Variants in GRID2 observed in about 807,000 individuals in gnomAD.
The protein encoded by GRID2 is glutamate ionotropic receptor delta type subunit 2.
A neutral mutation model predicts 114.8 loss-of-function variants in GRID2; 33 were observed. The ratio of observed to expected loss-of-function variants is 0.29; its 90% confidence interval spans 0.22 to 0.38. GRID2 has a LOEUF of 0.38. GRID2 is among the 10% of genes least tolerant of loss of function. The pLI, the probability that GRID2 is intolerant of heterozygous loss-of-function variation, is 1.00. For synonymous variants in GRID2, 505 were observed against 449.9 expected, an observed-to-expected ratio of 1.12 and a Z score of -1.55; for missense variants, 1,184 against 1,257.7, an observed-to-expected ratio of 0.94 and a Z score of 0.89.
At chr4:93,708,049 A>G (rs1728161377) in intron 14 of GRID2, among the ~76,000 whole-genome samples, 1 of 152,022 alleles carries the variant, frequency 6.6e-6, no homozygotes, top group East Asian at 1.9e-4. Flanking sequence ...CCTTGTCAGA[A>G]AAGATACTTG....
chr4:92,325,604 A>G (rs1309998786), intron 1 of GRID2, among the ~76,000 whole-genome samples: 3 of 151,862 alleles, frequency 2.0e-5, no homozygotes, highest in Non-Finnish European at 4.4e-5. Flanking sequence ...AAACTCAAAC[A>G]AAGAGATTTG....
At chr4:93,137,981 T>C (rs1210370036) in intron 4 of GRID2, among the ~76,000 whole-genome samples, 1 of 141,784 alleles carries the variant, frequency 7.1e-6, no homozygotes, top group African/African-American at 2.7e-5. Context: ...TTTTTTTTTT[T>C]TTTTTTTTTG....
At position 93,773,342 on chromosome 4, in the gene GRID2, T is replaced by C. The variant is rs538753064; in HGVS notation, c.*844T>C. The stretch of plus-strand genomic sequence containing the variant: ...AAAAGTATTGTATACAGGAACTATG[T>C]ATAGTGCAGGGGTTCTTTTCAGTTA... On this transcript the variant is annotated 3_prime_UTR_variant, in exon 16 of 16. Coordinates refer to ENST00000282020, the MANE Select transcript of GRID2 (RefSeq NM_001510.4). 6 of 152,256 alleles carry C rather than the reference T, an allele frequency of 3.9e-5. No individual in the cohort carries two copies. The highest frequency in any genetic ancestry group is 5.9e-5 in the Non-Finnish European group (4 of 67,976). The allele number at this position is 152,256 out of a possible 1,614,324, so 9.4% of individuals were successfully genotyped here. A position where few individuals can be genotyped will look rare whatever the true frequency, so the allele number is the denominator to read the frequency against.
intron 8 of GRID2, among the ~76,000 whole-genome samples, chr4:93,310,820 C>G (rs1182526788): frequency 6.6e-6 from 1 of 152,140 alleles, no homozygotes; most frequent in African/African-American, 2.4e-5. Flanking sequence ...CAGACTTTTT[C>G]AGGTGAGCAG....
intron 2 of GRID2, among the ~76,000 whole-genome samples, chr4:92,707,046 G>T (rs561380231): frequency 3.2e-4 from 48 of 152,076 alleles, no homozygotes; most frequent in African/African-American, 1.1e-3. Flanking sequence ...AAATACTTAC[G>T]CTAGAATTAC....
intron 9 of GRID2, among the ~76,000 whole-genome samples, chr4:93,409,156 G>A (rs187109026): frequency 2.0e-4 from 30 of 152,288 alleles, no homozygotes; most frequent in African/African-American, 6.7e-4. Context: ...ATGTTTAGGG[G>A]CCTGTGAATT....
chr4:92,694,262 G>A (rs1160570798), intron 2 of GRID2, among the ~76,000 whole-genome samples: 1 of 152,136 alleles, frequency 6.6e-6, no homozygotes, highest in Non-Finnish European at 1.5e-5. Flanking sequence ...ATGACAAGAG[G>A]AAATTAGGAA....
intron 2 of GRID2, among the ~76,000 whole-genome samples, chr4:92,660,534 C>T (rs959316827): frequency 4.0e-5 from 6 of 151,120 alleles, no homozygotes; most frequent in African/African-American, 7.3e-5. Flanking sequence ...TAGCAAAATT[C>T]GGTAGTGTAT....
chr4:92,899,998 G>A (rs183255064), intron 2 of GRID2, among the ~76,000 whole-genome samples: 48 of 152,212 alleles, frequency 3.2e-4, no homozygotes, highest in Admixed American at 1.5e-3. Context: ...AGATGGAGGG[G>A]AAAGGATGTA....
rs74570567 is a variant in GRID2, at chr4:92,643,395, A to G, written c.244+53109A>G. On this transcript the variant is annotated intron_variant, in intron 2 of 15. Transcript: ENST00000282020. The stretch of plus-strand genomic sequence containing the variant: ...ATCTAAATAGAAAAAGAATAAGTCA[A>G]ACTATCTCTCTTCTCTATGATTCCA... Among the ~76,000 whole-genome samples, 1,115 of 151,938 alleles carry G rather than the reference A, an allele frequency of 7.3e-3. 19 individuals carry two copies. Among genetic ancestry groups the G allele is most frequent in the African/African-American group, 0.026 (1,081 of 41,494 alleles).
chr4:93,002,510 C>G lies in GRID2; in HGVS notation c.245-82485C>G, dbSNP rs538642508. Among the ~76,000 whole-genome samples, 210 of 151,358 alleles carry G rather than the reference C, an allele frequency of 1.4e-3. 1 individual carries two copies. Among genetic ancestry groups the G allele is most frequent in the African/African-American group, 4.9e-3 (202 of 41,352 alleles). On this transcript the variant is annotated intron_variant, in intron 2 of 15. Coordinates refer to ENST00000282020, the MANE Select transcript of GRID2 (RefSeq NM_001510.4). ...AAATATTTACAGGTCTAAACCTTCTCGGTGTCATACATTCCTGGAAATTAG... is the reference window on the plus strand; with the variant it reads ...AAATATTTACAGGTCTAAACCTTCTGGGTGTCATACATTCCTGGAAATTAG...
At chr4:92,471,345 CA>C (rs1722023414) in intron 1 of GRID2, among the ~76,000 whole-genome samples, 1 of 151,994 alleles carries the variant, frequency 6.6e-6, no homozygotes, top group Non-Finnish European at 1.5e-5. Context: ...GATTGAGGAC[CA>C]GTGACCTTGT....
chr4:92,322,733 A>G (rs1285768773), intron 1 of GRID2, among the ~76,000 whole-genome samples: 1 of 152,152 alleles, frequency 6.6e-6, no homozygotes, highest in Non-Finnish European at 1.5e-5. Context: ...TCAATCGCCA[A>G]TAATTCTGTC....
intron 5 of GRID2, among the ~76,000 whole-genome samples, chr4:93,215,234 AT>A (rs1744059925): frequency 1.3e-5 from 2 of 152,070 alleles, no homozygotes; most frequent in South Asian, 2.1e-4. Flanking sequence ...GCAAAAAAAA[AT>A]ACCATATACA....
intron 4 of GRID2, among the ~76,000 whole-genome samples, chr4:93,166,754 T>G (rs1738287320): frequency 6.6e-6 from 1 of 152,126 alleles, no homozygotes; most frequent in Non-Finnish European, 1.5e-5. Flanking sequence ...TAATGTCTGT[T>G]CTCTCTGTGC....
At chr4:92,624,221 C>A (rs530709133) in intron 2 of GRID2, among the ~76,000 whole-genome samples, 44 of 151,958 alleles carry the variant, frequency 2.9e-4, no homozygotes, top group African/African-American at 1.0e-3. Flanking sequence ...ACACAAGAAA[C>A]TTAAGGCACA....
intron 2 of GRID2, among the ~76,000 whole-genome samples, chr4:92,767,225 A>G (rs991571457): frequency 2.0e-5 from 3 of 152,210 alleles, no homozygotes; most frequent in Non-Finnish European, 4.4e-5. Context: ...AGGATGACAG[A>G]ACCAACAGAC....
intron 3 of GRID2, among the ~76,000 whole-genome samples, chr4:93,097,702 C>G (rs1578979447): frequency 6.6e-6 from 1 of 151,882 alleles, no homozygotes. Context: ...ATTGACAGTT[C>G]TGTTTCCCCT....
chr4:92,978,828 C>T (rs1754021597), intron 2 of GRID2, among the ~76,000 whole-genome samples: 1 of 152,010 alleles, frequency 6.6e-6, no homozygotes, highest in Non-Finnish European at 1.5e-5. Flanking sequence ...GGCCCGAGAC[C>T]AGTTGGGCTG....
Sources: allele counts gnomAD v4.1 joint callset (sites outside exome capture counted in the v4.1 genomes callset), GRCh38; gene constraint gnomAD v4.1.1; transcripts MANE v1.5; gene names NCBI Gene and HGNC (gene_info 2026-07-23, HGNC 2026-07-21).